The following ADAM19 variants were observed in gnomAD, a reference collection of about 807,000 sequenced individuals.
The protein encoded by ADAM19 is ADAM metallopeptidase domain 19.
In ADAM19, 65 loss-of-function variants were observed where a neutral mutation model predicts 114.7. The ratio of observed to expected loss-of-function variants is 0.57; its 90% CI spans 0.46 to 0.70. The LOEUF (loss-of-function observed/expected upper bound fraction) is 0.70, where lower values mean the gene tolerates loss of function less well. Among genes scored for constraint, ADAM19 ranks in the 30% least tolerant of loss-of-function variants. The pLI is 0.00. For synonymous variants in ADAM19, 466 were observed against 460.5 expected (o/e 1.01, Z -0.15); for missense variants, 1,063 against 1,204.7 (o/e 0.88, Z 1.74).
At chr5:157,544,585 G>C (rs985641765) in intron 3 of ADAM19, among the ~76,000 whole-genome samples, 4 of 152,196 alleles carry the variant, frequency 2.6e-5, no homozygotes, top group Non-Finnish European at 5.9e-5. Context: ...AAATAGAGCT[G>C]ACTTCTTGAG....
At chr5:157,560,123 G>A (rs1288639457) in intron 3 of ADAM19, among the ~76,000 whole-genome samples, 2 of 149,480 alleles carry the variant, frequency 1.3e-5, no homozygotes, top group African/African-American at 5.1e-5. Context: ...AAATTAGCCG[G>A]GCGTAGTGGC....
In ADAM19 at chr5:157,503,226, G is replaced by A. The variant is rs1418073857; in HGVS notation, c.1131-246C>T. ...ATGAAGCTGGAAACCATCATTCTCA[G>A]CAAACTATTGCAAGGACAGAAAACC... On this transcript the variant is annotated intron_variant, in intron 11 of 22. Transcript: ENST00000257527. Among the ~76,000 whole-genome samples, 5 of 152,136 alleles carry A rather than the reference G, an allele frequency of 3.3e-5. No individual in the cohort carries two copies. In the East Asian group the frequency reaches 9.6e-4, roughly 29 times the overall value.
In ADAM19 at chr5:157,491,660, G is replaced by T. The variant is rs773956047; in HGVS notation, c.2050C>A (p.Pro684Thr). ...PGWAPPFCNT[P>T]GHGGSIDSGP... ...CTGTCGATACTGCCCCCGTGGCCCG[G>T]TGTGTTGCAGAAGGGCGGGGCCCAG... The change falls in exon 18 of 23, where the codon CCG (proline) becomes ACG (threonine). Residue 684 changes from proline to threonine, a missense_variant. Coordinates refer to ENST00000257527, the MANE Select transcript of ADAM19 (RefSeq NM_033274.5). The T allele has an allele frequency of 6.4e-7, 1 of 1,568,522 alleles. No individual in the cohort carries two copies. The highest frequency in any genetic ancestry group is 8.7e-7 in the Non-Finnish European group (1 of 1,155,764).
intron 7 of ADAM19, among the ~76,000 whole-genome samples, chr5:157,518,099 TAC>T (rs916426703): frequency 6.6e-6 from 1 of 152,084 alleles, no homozygotes; most frequent in Non-Finnish European, 1.5e-5. Flanking sequence ...TGGGCAAGAA[TAC>T]AGTTTTCAGT....
intron 15 of ADAM19, 32 bp from the exon 16 acceptor site, chr5:157,493,209 G>T (rs749112912): frequency 1.2e-6 from 2 of 1,604,626 alleles, no homozygotes; most frequent in South Asian, 2.2e-5. Flanking sequence ...GGAAGGAAGC[G>T]GAATCAGAGG....
Position 157,502,976 on chromosome 5 carries a change from G to A in ADAM19, c.1135C>T (p.Pro379Ser). ...CATCCATTGAACACTTTGGGAAAGG[G>A]GTGCCTGGCAGAGGACAAGGCTGGA... is the stretch of plus-strand genomic sequence containing the variant. Reference protein sequence around the residue: ...GCIMAAATGHPFPKVFNGCNR... With the variant: ...GCIMAAATGHSFPKVFNGCNR... Residue 379 changes from proline to serine, a missense_variant, in exon 12 of 23, where the codon CCC becomes TCC. Pro to Ser is a moderately conservative substitution (Grantham distance 74, BLOSUM62 -1). Around this residue, in one of 3 missense-constraint regions of ADAM19, gnomAD observed 615 missense variants for 706.3 expected, o/e 0.87. Transcript: ENST00000257527. 6.2e-7 allele frequency: 1 copy of A among 1,613,560 alleles called. No individual in the cohort carries two copies. Among genetic ancestry groups the A allele is most frequent in the Non-Finnish European group, 8.5e-7 (1 of 1,179,520 alleles).
chr5:157,499,713 C>T, intron 12 of ADAM19, 51 bp from the exon 13 acceptor site: 1 of 1,297,784 alleles, frequency 7.7e-7, no homozygotes, highest in South Asian at 1.3e-5. Flanking sequence ...TCACCACCCC[C>T]AACATTTTCC....
At chr5:157,562,585 A>G (rs1757537421) in intron 3 of ADAM19, among the ~76,000 whole-genome samples, 1 of 152,160 alleles carries the variant, frequency 6.6e-6, no homozygotes. Context: ...AGATTCAGCC[A>G]TTTGCCCTGG....
intron 4 of ADAM19, among the ~76,000 whole-genome samples, chr5:157,535,614 G>T (rs574348696): frequency 3.3e-5 from 5 of 152,244 alleles, no homozygotes; most frequent in Non-Finnish European, 7.3e-5. Context: ...GGAAGGAGGG[G>T]ATTCTGGGAG....
In ADAM19 at chr5:157,480,808, AT is replaced by A; in HGVS notation, c.*140del. 1 of 1,488,398 alleles carries A rather than the reference AT, an allele frequency of 6.7e-7. No homozygotes were observed. Among genetic ancestry groups the A allele is most frequent in the East Asian group, 2.4e-5 (1 of 41,896 alleles). The allele number at this position is 1,488,398 out of a possible 1,614,324, so 92.2% of individuals were successfully genotyped here. A position where few individuals can be genotyped will look rare whatever the true frequency, so the allele number is the denominator to read the frequency against. The stretch of plus-strand genomic sequence containing the variant: ...GAGGAGGCACTGAGTCAACAGGGAG[AT>A]TTTTGGAGATGTGGAGGTTCCTGGA... On this transcript the variant is annotated 3_prime_UTR_variant, in exon 23 of 23. Coordinates refer to ENST00000257527, the MANE Select transcript of ADAM19 (RefSeq NM_033274.5).
At chr5:157,544,445 G>A (rs1434569525) in intron 3 of ADAM19, among the ~76,000 whole-genome samples, 1 of 152,180 alleles carries the variant, frequency 6.6e-6, no homozygotes, top group African/African-American at 2.4e-5. Context: ...CCTGTGTTTT[G>A]CTTTTACATT....
chr5:157,574,971 G>A lies in ADAM19; in HGVS notation c.94+632C>T, dbSNP rs552509853. ...TGGGCAAGTCCTTTCCCTTTTGTGG[G>A]CCTCGGTTTCCCCATCTGTGAAATG... is the stretch of plus-strand genomic sequence containing the variant. On this transcript the variant is annotated intron_variant, in intron 1 of 22. Transcript: ENST00000257527. Among the ~76,000 whole-genome samples, 3 of 152,328 alleles carry A rather than the reference G, an allele frequency of 2.0e-5. No homozygotes were observed. The South Asian group carries it at 6.2e-4, about 32-fold the overall frequency.
rs1754642496 is a variant in ADAM19 at position 157,477,992 on chromosome 5, AG to A, written c.*2956del. ...TGAAAGGAATCTATGGCTAGCAGGC[AG>A]TTACAAGATTGAGCCAGGTGCCCAG... is the stretch of plus-strand genomic sequence containing the variant. On this transcript the variant is annotated 3_prime_UTR_variant, in exon 23 of 23. Transcript: ENST00000257527. The A allele has an allele frequency of 3.6e-6, 1 of 278,096 alleles. No individual in the cohort carries two copies. Among genetic ancestry groups the A allele is most frequent in the East Asian group, 8.4e-5 (1 of 11,838 alleles). The allele number at this position is 278,096 out of a possible 1,614,324, so 17.2% of individuals were successfully genotyped here. A position where few individuals can be genotyped will look rare whatever the true frequency, so the allele number is the denominator to read the frequency against.
rs1561532284 is a variant in ADAM19, at chr5:157,501,819, T to C, written c.1308+984A>G. Among the ~76,000 whole-genome samples, 7 of 151,420 alleles carry C rather than the reference T, an allele frequency of 4.6e-5. No individual in the cohort carries two copies. In the South Asian group the frequency reaches 1.5e-3, roughly 32 times the overall value. Reference sequence around the variant, plus strand: ...ATCCTAGTGCTTTGGGAGGCCGAGGTGGGTGGATCATCTGAGGTCAGGAGT... The same window carrying C: ...ATCCTAGTGCTTTGGGAGGCCGAGGCGGGTGGATCATCTGAGGTCAGGAGT... On this transcript the variant is annotated intron_variant, in intron 12 of 22. Coordinates refer to ENST00000257527, the MANE Select transcript of ADAM19 (RefSeq NM_033274.5).
chr5:157,558,894 T>C (rs776933249), intron 3 of ADAM19, among the ~76,000 whole-genome samples: 2 of 152,226 alleles, frequency 1.3e-5, no homozygotes, highest in African/African-American at 2.4e-5. Flanking sequence ...AATTGTATAA[T>C]GGACTTGAGG....
chr5:157,565,650 A>G (rs894239874), intron 2 of ADAM19, among the ~76,000 whole-genome samples: 4 of 151,632 alleles, frequency 2.6e-5, no homozygotes, highest in African/African-American at 9.7e-5. Context: ...CGAAGGTTGC[A>G]GTGAGCTGAG....
intron 4 of ADAM19, among the ~76,000 whole-genome samples, chr5:157,533,016 T>G (rs1756667645): frequency 6.6e-6 from 1 of 152,084 alleles, no homozygotes; most frequent in Non-Finnish European, 1.5e-5. Flanking sequence ...GAAATTCTCC[T>G]TTATCAAAGA....
At position 157,502,861 on chromosome 5, in the gene ADAM19, C is replaced by T. The variant is rs377128095; in HGVS notation, c.1250G>A (p.Arg417Gln). ...TTCCAGATACCCGTTCCCACACCTC[C>T]GGCCTCCATACAACATCCTGGTGTC... ...MPDTRMLYGG[R>Q]RCGNGYLEDG... The change falls in exon 12 of 23, where the codon CGG (arginine) becomes CAG (glutamine). Residue 417 changes from arginine to glutamine, a missense_variant. Physicochemically the swap from Arg to Gln is conservative, Grantham distance 43. This residue lies in a region of ADAM19 where 615 missense variants were observed against 706.3 expected (regional missense o/e 0.87). Coordinates refer to ENST00000257527, the MANE Select transcript of ADAM19 (RefSeq NM_033274.5). 8.7e-6 allele frequency: 14 copies of T among 1,614,082 alleles called. No homozygotes were observed. The highest frequency in any genetic ancestry group is 4.4e-5 in the South Asian group (4 of 91,080).
At chr5:157,564,698 G>A (rs951818047) in intron 2 of ADAM19, among the ~76,000 whole-genome samples, 1 of 152,216 alleles carries the variant, frequency 6.6e-6, no homozygotes, top group African/African-American at 2.4e-5. Flanking sequence ...TGTATGTGGT[G>A]CGGTGAAGGG....
Sources: allele counts gnomAD v4.1 joint callset (sites outside exome capture counted in the v4.1 genomes callset), GRCh38; gene constraint gnomAD v4.1.1; regional missense constraint gnomAD v4.1.1; transcripts MANE v1.5; gene names NCBI Gene and HGNC (gene_info 2026-07-23, HGNC 2026-07-21).